The following LRRTM4 variants were observed in gnomAD, a reference collection of about 807,000 sequenced individuals.
LRRTM4 encodes the protein leucine-rich repeat transmembrane neuronal protein 4.
A neutral mutation model predicts 47.6 loss-of-function variants in LRRTM4; 25 were observed. The observed-to-expected ratio is 0.53, with a 90% confidence interval of 0.38 to 0.73. LRRTM4 has a LOEUF of 0.73. Among genes scored for constraint, LRRTM4 ranks in the 30% least tolerant of loss-of-function variants. The pLI, the probability that LRRTM4 is intolerant of heterozygous loss-of-function variation, is 0.00. For synonymous variants in LRRTM4, 311 were observed against 269.5 expected (o/e 1.15, Z -1.51); for missense variants, 638 against 713.4 (o/e 0.89, Z 1.20).
intron 3 of LRRTM4, among the ~76,000 whole-genome samples, chr2:77,026,903 A>G (rs540835105): frequency 1.3e-5 from 2 of 152,292 alleles, no homozygotes; most frequent in South Asian, 2.1e-4. Flanking sequence ...AAGATGTTCC[A>G]GGAAATGTTA....
intron 3 of LRRTM4, among the ~76,000 whole-genome samples, chr2:77,224,237 G>C (rs529138851): frequency 7.2e-5 from 11 of 151,834 alleles, no homozygotes; most frequent in East Asian, 5.8e-4. Context: ...TTACATGTTA[G>C]ACCTAAAACC....
At chr2:77,511,374 T>C (rs1366496239) in intron 3 of LRRTM4, among the ~76,000 whole-genome samples, 1 of 152,024 alleles carries the variant, frequency 6.6e-6, no homozygotes. Context: ...TGTTTAATCG[T>C]ATATAGCTGT....
chr2:77,064,571 C>A (rs954799787), intron 3 of LRRTM4, among the ~76,000 whole-genome samples: 1 of 152,114 alleles, frequency 6.6e-6, no homozygotes, highest in Non-Finnish European at 1.5e-5. Context: ...CTTCTTCAGG[C>A]TAGAGAAGTA....
intron 3 of LRRTM4, among the ~76,000 whole-genome samples, chr2:77,344,230 C>A (rs182942796): frequency 1.3e-5 from 2 of 151,868 alleles, no homozygotes; most frequent in Admixed American, 6.6e-5. Context: ...ATAAAACACA[C>A]AATTAGCATA....
rs1301660373 is a variant in LRRTM4, at chr2:76,748,072, G to T, written c.*623C>A. ...TTTTCCAGTAGTTTTGTCAAACTTT[G>T]TGGTCAACTTTCTCCGTGGTCCGTG... On this transcript the variant is annotated 3_prime_UTR_variant, in exon 4 of 4. Coordinates refer to ENST00000409884, the MANE Select transcript of LRRTM4 (RefSeq NM_001134745.3). The T allele has an allele frequency of 6.6e-6, 1 of 152,274 alleles. No homozygotes were observed. Among genetic ancestry groups the T allele is most frequent in the Non-Finnish European group, 1.5e-5 (1 of 68,236 alleles). The allele number at this position is 152,274 out of a possible 1,614,324, so 9.4% of individuals were successfully genotyped here.
intron 3 of LRRTM4, among the ~76,000 whole-genome samples, chr2:77,002,332 A>G (rs959673108): frequency 6.6e-6 from 1 of 152,174 alleles, no homozygotes. Flanking sequence ...TGGAAAAATC[A>G]TGTGTTAATG....
At chr2:76,994,463 A>C (rs1677127714) in intron 3 of LRRTM4, among the ~76,000 whole-genome samples, 3 of 151,882 alleles carry the variant, frequency 2.0e-5, no homozygotes, top group African/African-American at 2.4e-5. Context: ...ACTGATGTAA[A>C]TCAGCGTGAA....
chr2:77,191,743 G>A (rs1486060577), intron 3 of LRRTM4, among the ~76,000 whole-genome samples: 1 of 151,952 alleles, frequency 6.6e-6, no homozygotes, highest in Non-Finnish European at 1.5e-5. Flanking sequence ...GATTTGTTGA[G>A]AAAATTTTGA....
intron 3 of LRRTM4, among the ~76,000 whole-genome samples, chr2:76,869,733 C>A (rs1672570032): frequency 6.6e-6 from 1 of 151,838 alleles, no homozygotes; most frequent in Non-Finnish European, 1.5e-5. Context: ...AAATAGGATT[C>A]AGAGTTTGTA....
At chr2:76,938,647 G>A (rs1027222231) in intron 3 of LRRTM4, among the ~76,000 whole-genome samples, 4 of 151,956 alleles carry the variant, frequency 2.6e-5, no homozygotes, top group Admixed American at 6.6e-5. Context: ...CAAATCATTT[G>A]AAAAAGTTTA....
intron 3 of LRRTM4, among the ~76,000 whole-genome samples, chr2:76,961,431 T>C (rs1675856229): frequency 6.6e-6 from 1 of 151,446 alleles, no homozygotes; most frequent in African/African-American, 2.4e-5. Context: ...TCGTCATTCC[T>C]GACTTTTGTC....
intron 3 of LRRTM4, among the ~76,000 whole-genome samples, chr2:77,350,330 C>A: frequency 3.2e-5 from 1 of 31,284 alleles, no homozygotes; most frequent in Non-Finnish European, 5.5e-5. Flanking sequence ...AAGACTCCGT[C>A]TCAAAAAAAA....
intron 3 of LRRTM4, among the ~76,000 whole-genome samples, chr2:77,308,164 T>C (rs1677344854): frequency 6.7e-6 from 1 of 148,422 alleles, no homozygotes; most frequent in African/African-American, 2.5e-5. Flanking sequence ...TATTTGCTTC[T>C]GCATAGGTAA....
At chr2:77,203,701 A>T (rs1472826252) in intron 3 of LRRTM4, among the ~76,000 whole-genome samples, 1 of 152,210 alleles carries the variant, frequency 6.6e-6, no homozygotes, top group Non-Finnish European at 1.5e-5. Flanking sequence ...AGTCAAGTGC[A>T]GAAGTGTTGT....
chr2:76,877,012 C>T (rs1399158070), intron 3 of LRRTM4, among the ~76,000 whole-genome samples: 1 of 151,950 alleles, frequency 6.6e-6, no homozygotes, highest in East Asian at 1.9e-4. Context: ...ATACTTTGAG[C>T]TTAGATGATT....
chr2:77,195,460 G>A (rs979635645), intron 3 of LRRTM4, among the ~76,000 whole-genome samples: 7 of 151,936 alleles, frequency 4.6e-5, no homozygotes, highest in Admixed American at 2.0e-4. Context: ...TAACAAGTAG[G>A]AAAACTTATC....
chr2:77,415,835 A>G (rs1359450613), intron 3 of LRRTM4, among the ~76,000 whole-genome samples: 2 of 152,132 alleles, frequency 1.3e-5, no homozygotes, highest in African/African-American at 4.8e-5. Context: ...ACCTTACCAC[A>G]GTGTTGGTAT....
At chr2:77,205,964 T>A (rs1674113515) in intron 3 of LRRTM4, among the ~76,000 whole-genome samples, 1 of 151,718 alleles carries the variant, frequency 6.6e-6, no homozygotes. Context: ...GCCTCCCCAG[T>A]ACATGAGACT....
At chr2:76,999,444 C>CA (rs143101062) in intron 3 of LRRTM4, among the ~76,000 whole-genome samples, 5 of 137,870 alleles carry the variant, frequency 3.6e-5, no homozygotes, top group East Asian at 3.3e-4. Flanking sequence ...CAAAAGGAAA[C>CA]AAAACAAAAA....
Sources: allele counts gnomAD v4.1 joint callset (sites outside exome capture counted in the v4.1 genomes callset), GRCh38; gene constraint gnomAD v4.1.1; transcripts MANE v1.5; gene names NCBI Gene and HGNC (gene_info 2026-07-23, HGNC 2026-07-21).